The following PKP4 variants were observed in gnomAD, a reference collection of about 807,000 sequenced individuals.
PKP4 encodes the protein plakophilin 4, also known as plakophilin-4.
Under a neutral mutation model 145.1 loss-of-function variants are expected in PKP4, and 90 were observed. The observed-to-expected ratio is 0.62, with a 90% confidence interval of 0.52 to 0.74. The LOEUF (loss-of-function observed/expected upper bound fraction) is 0.74, where lower values mean the gene tolerates loss of function less well. PKP4 is among the 30% of genes least tolerant of loss of function. The pLI is 0.00. For missense variants in PKP4, 1,340 were observed against 1,482.7 expected, an observed-to-expected ratio of 0.90 and a Z score of 1.58; for synonymous variants, 563 against 577.2, an observed-to-expected ratio of 0.98 and a Z score of 0.35.
intron 2 of PKP4, among the ~76,000 whole-genome samples, chr2:158,547,720 A>C (rs1478138090): frequency 6.6e-6 from 1 of 152,242 alleles, no homozygotes; most frequent in African/African-American, 2.4e-5. Flanking sequence ...TTTAAGAATC[A>C]CAGTAAGACC....
At chr2:158,542,929 A>G (rs1213448419) in intron 2 of PKP4, among the ~76,000 whole-genome samples, 2 of 152,212 alleles carry the variant, frequency 1.3e-5, no homozygotes, top group African/African-American at 2.4e-5. Context: ...ACTAACAGCT[A>G]ACAATTATTG....
intron 2 of PKP4, among the ~76,000 whole-genome samples, chr2:158,561,146 A>G (rs1367868773): frequency 6.6e-6 from 1 of 152,200 alleles, no homozygotes; most frequent in Non-Finnish European, 1.5e-5. Context: ...ATATTATAAA[A>G]TCTTACTGGA....
intron 2 of PKP4, among the ~76,000 whole-genome samples, chr2:158,550,411 A>G (rs1347189787): frequency 1.3e-5 from 2 of 152,230 alleles, no homozygotes; most frequent in African/African-American, 4.8e-5. Context: ...ATGTAACCAT[A>G]ATCAATATAT....
chr2:158,478,638 T>G (rs1337851799), intron 1 of PKP4, among the ~76,000 whole-genome samples: 1 of 152,240 alleles, frequency 6.6e-6, no homozygotes, highest in Non-Finnish European at 1.5e-5. Flanking sequence ...AAGCAAAATG[T>G]GAATTATCCA....
chr2:158,666,273 C>T, intron 15 of PKP4, 140 bp from the exon 16 acceptor site: 1 of 690,116 alleles, frequency 1.4e-6, no homozygotes, highest in Non-Finnish European at 2.1e-6. Flanking sequence ...TCTTCACTGA[C>T]ACCACAGATT....
intron 3 of PKP4, among the ~76,000 whole-genome samples, chr2:158,589,307 A>G (rs2049055391): frequency 6.6e-6 from 1 of 152,170 alleles, no homozygotes; most frequent in South Asian, 2.1e-4. Flanking sequence ...TGAATCTAAC[A>G]TGAGGCTGAC....
intron 20 of PKP4, 187 bp downstream of exon 20, chr2:158,677,054 C>G (rs1364522968): frequency 2.9e-6 from 2 of 694,812 alleles, no homozygotes; most frequent in Admixed American, 2.1e-5. Context: ...GTAAAACAAG[C>G]ATGTACTTGT....
chr2:158,458,443 G>A (rs1689219741), intron 1 of PKP4: 1 of 152,350 alleles, frequency 6.6e-6, no homozygotes, highest in African/African-American at 2.4e-5. Context: ...GTGAATTTGG[G>A]GCCGATGACT....
chr2:158,502,146 T>G (rs923744949), intron 1 of PKP4, among the ~76,000 whole-genome samples: 1 of 152,178 alleles, frequency 6.6e-6, no homozygotes, highest in African/African-American at 2.4e-5. Context: ...CTTGGATTTT[T>G]AAAAAATCAT....
At chr2:158,518,664 G>A (rs966771236) in intron 1 of PKP4, among the ~76,000 whole-genome samples, 4 of 152,180 alleles carry the variant, frequency 2.6e-5, no homozygotes, top group Non-Finnish European at 5.9e-5. Flanking sequence ...TTGTTGTTTT[G>A]CTGCAGAATT....
chr2:158,649,408 A>G (rs1471675822), intron 11 of PKP4, among the ~76,000 whole-genome samples: 1 of 152,204 alleles, frequency 6.6e-6, no homozygotes, highest in Non-Finnish European at 1.5e-5. Context: ...GGGAAAAGAA[A>G]AAAAGCCCCA....
chr2:158,532,709 C>T (rs2043677457), intron 1 of PKP4, among the ~76,000 whole-genome samples: 1 of 152,178 alleles, frequency 6.6e-6, no homozygotes, highest in Non-Finnish European at 1.5e-5. Context: ...TTATTGTTAT[C>T]TTTGAATAAT....
intron 1 of PKP4, among the ~76,000 whole-genome samples, chr2:158,477,744 C>A (rs2105424477): frequency 6.6e-6 from 1 of 152,240 alleles, no homozygotes; most frequent in Non-Finnish European, 1.5e-5. Flanking sequence ...ACTTGGGAGG[C>A]TGAGGCAGGA....
intron 1 of PKP4, among the ~76,000 whole-genome samples, chr2:158,463,600 A>G (rs887927204): frequency 6.6e-6 from 1 of 152,154 alleles, no homozygotes; most frequent in Non-Finnish European, 1.5e-5. Flanking sequence ...TGAGCACATC[A>G]TGTAACTCTC....
rs2045854586 is a variant in PKP4 at position 158,554,002 on chromosome 2, GA to G, written c.132+20687del. 2.0e-5 allele frequency among the ~76,000 whole-genome samples: 3 copies of G among 152,208 alleles called. No homozygotes were observed. The South Asian group carries it at 6.2e-4, about 32-fold the overall frequency. ...TGGGTTGCATGTATTTGGGACATGG[GA>G]CAGACATGAATTTATTTCTTTAACA... On this transcript the variant is annotated intron_variant, in intron 2 of 21. Transcript: ENST00000389759.
intron 1 of PKP4, among the ~76,000 whole-genome samples, chr2:158,528,789 T>C (rs936051745): frequency 6.6e-6 from 1 of 151,872 alleles, no homozygotes; most frequent in African/African-American, 2.4e-5. Flanking sequence ...GGTTCATCTC[T>C]GAGCTTTGTA....
At position 158,496,759 on chromosome 2, in the gene PKP4, C is replaced by CGTGTGTGTGTGT. The variant is rs58108158; in HGVS notation, c.-5-36396_-5-36385dup. Among the ~76,000 whole-genome samples the CGTGTGTGTGTGT allele has an allele frequency of 3.7e-3, 533 of 144,946 alleles. 4 individuals are homozygous for CGTGTGTGTGTGT. Among genetic ancestry groups the CGTGTGTGTGTGT allele is most frequent in the African/African-American group, 0.013 (513 of 39,496 alleles). Reference sequence around the variant, plus strand: ...CTCACTCTCTCTCGCCTTCTCTCTCCGTGTGTGTGTGTGTGTGTGTGTGTG... The same window carrying CGTGTGTGTGTGT: ...CTCACTCTCTCTCGCCTTCTCTCTCCGTGTGTGTGTGTGTGTGTGTGTGTGTGTGTGTGTGTG... On this transcript the variant is annotated intron_variant, in intron 1 of 21. Transcript: ENST00000389759.
intron 2 of PKP4, among the ~76,000 whole-genome samples, chr2:158,565,435 C>CTTTTTTTTTTTTTTTTTTTCTTT (rs10690465): frequency 1.7e-4 from 23 of 135,728 alleles, no homozygotes; most frequent in Non-Finnish European, 2.5e-4. Context: ...TTCTTTTTTC[C>CTTTTTTTTTTTTTTTTTTTCTTT]TTTTTTTTTT....
intron 17 of PKP4, among the ~76,000 whole-genome samples, chr2:158,672,561 G>A (rs1218910215): frequency 6.6e-6 from 1 of 152,182 alleles, no homozygotes; most frequent in Admixed American, 6.5e-5. Context: ...TGGCTATGTG[G>A]GGCAAGTGCC....
Sources: allele counts gnomAD v4.1 joint callset (sites outside exome capture counted in the v4.1 genomes callset), GRCh38; gene constraint gnomAD v4.1.1; transcripts MANE v1.5; gene names NCBI Gene and HGNC (gene_info 2026-07-23, HGNC 2026-07-21).